The following ZNF33A variants were observed in gnomAD, a reference collection of about 807,000 sequenced individuals.
The protein encoded by ZNF33A is brain my041 protein.
In ZNF33A, 9 loss-of-function variants were observed where a neutral mutation model predicts 15.9. The ratio of observed to expected loss-of-function variants is 0.57; its 90% confidence interval spans 0.34 to 0.99. The LOEUF is 0.99. ZNF33A is among the 50% of genes least tolerant of loss of function. ZNF33A has a pLI of 0.02. For synonymous variants in ZNF33A, 294 were observed against 324.2 expected, an observed-to-expected ratio of 0.91 and a Z score of 1.00; for missense variants, 843 against 941.6, an observed-to-expected ratio of 0.90 and a Z score of 1.37.
chr10:38,066,275 A>ATTAT (rs545858786), downstream of ZNF33A, among the ~76,000 whole-genome samples: 720 of 151,566 alleles, frequency 4.8e-3, 5 homozygotes, highest in African/African-American at 0.014. Flanking sequence ...GGGTTTTTTT[A>ATTAT]TTATTTATTT....
In ZNF33A at chr10:38,056,167, T is replaced by C. The variant is rs767848337; in HGVS notation, c.2043T>C (p.Ile681=). The change falls in exon 5 of 5, where the codon ATT becomes ATC. Residue 681 remains isoleucine (I), a synonymous_variant. Coordinates refer to ENST00000432900, the MANE Select transcript of ZNF33A (RefSeq NM_006954.2). ...CTTTCTGTGTAAAATCAGGACTTAT[T>C]TTCCATGAGAGAAAGCACACGGGGG... ...GKSFCVKSGL[I]FHERKHTGEK... 1 of 1,614,082 alleles carries C rather than the reference T, an allele frequency of 6.2e-7. No individual in the cohort carries two copies. Among genetic ancestry groups the C allele is most frequent in the Non-Finnish European group, 8.5e-7 (1 of 1,179,996 alleles).
chr10:38,038,564 T>C (rs1386212159), intron 4 of ZNF33A, among the ~76,000 whole-genome samples: 3 of 152,252 alleles, frequency 2.0e-5, no homozygotes, highest in Non-Finnish European at 4.4e-5. Context: ...AGTTTCACTT[T>C]TGTTTTCAAT....
At chr10:38,028,260 CCTGT>C (rs1358444274) in intron 4 of ZNF33A, among the ~76,000 whole-genome samples, 2 of 151,706 alleles carry the variant, frequency 1.3e-5, no homozygotes, top group Non-Finnish European at 2.9e-5. Flanking sequence ...AGAGCAAGAT[CCTGT>C]CTAAAATAAA....
Position 38,035,490 on chromosome 10 carries a change from A to T in ZNF33A, c.250+18104A>T, listed in dbSNP as rs577042036. Among the ~76,000 whole-genome samples, 3 of 152,282 alleles carry T rather than the reference A, an allele frequency of 2.0e-5. No homozygotes were observed. In the East Asian group the frequency reaches 5.8e-4, roughly 29 times the overall value. On this transcript the variant is annotated intron_variant, in intron 4 of 4. Transcript: ENST00000432900. ...ACTGTCAGAATTGTTAATTATGCCT[A>T]TGTGGAAAATAATTTTATAATTTTA...
At chr10:38,038,394 G>A (rs2065547191) in intron 4 of ZNF33A, among the ~76,000 whole-genome samples, 1 of 152,136 alleles carries the variant, frequency 6.6e-6, no homozygotes, top group African/African-American at 2.4e-5. Context: ...GAGACATTAT[G>A]CCCGGCCAGA....
chr10:38,054,497 C>A lies in ZNF33A; in HGVS notation c.373C>A (p.Pro125Thr). The change falls in exon 5 of 5, where the codon CCA becomes ACA. Residue 125 changes from proline (P) to threonine (T), a missense_variant. Pro to Thr is a conservative substitution (Grantham distance 38). Transcript: ENST00000432900. ...GGAACAAGGTGATGTAATAGGAATA[C>A]CATTTAATGTGGATGTAAGTTCTTT... Reference protein sequence around the residue: ...TKEQGDVIGIPFNVDVSSFPS... With the variant: ...TKEQGDVIGITFNVDVSSFPS... The A allele has an allele frequency of 6.2e-7, 1 of 1,612,764 alleles. No individual in the cohort carries two copies.
chr10:38,023,455 G>T (rs2135579381), intron 4 of ZNF33A, among the ~76,000 whole-genome samples: 1 of 152,244 alleles, frequency 6.6e-6, no homozygotes, highest in African/African-American at 2.4e-5. Context: ...AGCAAGGCTG[G>T]TTCAACATTC....
chr10:38,023,095 G>T (rs1364853040), intron 4 of ZNF33A, among the ~76,000 whole-genome samples: 1 of 152,048 alleles, frequency 6.6e-6, no homozygotes, highest in East Asian at 1.9e-4. Context: ...GCAGGCACAT[G>T]CCACCACACT....
intron 2 of ZNF33A, among the ~76,000 whole-genome samples, chr10:38,014,776 T>C (rs1263084746): frequency 6.6e-6 from 1 of 152,248 alleles, no homozygotes; most frequent in Non-Finnish European, 1.5e-5. Flanking sequence ...AGATCCTGGC[T>C]CTTCCTAGTT....
intron 1 of ZNF33A, among the ~76,000 whole-genome samples, chr10:38,011,541 C>T (rs777701893): frequency 6.6e-6 from 1 of 152,100 alleles, no homozygotes; most frequent in Non-Finnish European, 1.5e-5. Flanking sequence ...CACTATTGCA[C>T]TCCAGACTGG....
At chr10:38,060,275 A>G (rs2066639575), downstream of ZNF33A, among the ~76,000 whole-genome samples, 1 of 152,178 alleles carries the variant, frequency 6.6e-6, no homozygotes, top group African/African-American at 2.4e-5. Context: ...CCTCATTTCC[A>G]TCCCCACTCT....
At chr10:38,017,255 G>T in intron 3 of ZNF33A, 36 bp from the exon 4 acceptor site, 2 of 1,596,306 alleles carry the variant, frequency 1.3e-6, no homozygotes, top group Admixed American at 1.7e-5. Context: ...AGTCTAGACT[G>T]CTTGGTCCAA....
downstream of ZNF33A, among the ~76,000 whole-genome samples, chr10:38,063,883 G>A (rs901445281): frequency 1.3e-5 from 2 of 152,150 alleles, no homozygotes; most frequent in African/African-American, 4.8e-5. Flanking sequence ...TGTGACGATT[G>A]CAGGGAGGAG....
intron 4 of ZNF33A, among the ~76,000 whole-genome samples, chr10:38,051,985 G>C (rs2066230060): frequency 6.6e-6 from 1 of 152,068 alleles, no homozygotes; most frequent in African/African-American, 2.4e-5. Context: ...TCTTTAATCT[G>C]ATAAAAGTCA....
At chr10:38,019,850 T>G (rs1235313703) in intron 4 of ZNF33A, among the ~76,000 whole-genome samples, 2 of 152,148 alleles carry the variant, frequency 1.3e-5, no homozygotes, top group Non-Finnish European at 2.9e-5. Flanking sequence ...TCTAGAATCA[T>G]TTTTGATGGT....
At chr10:38,030,245 C>A (rs1170036909) in intron 4 of ZNF33A, among the ~76,000 whole-genome samples, 1 of 152,140 alleles carries the variant, frequency 6.6e-6, no homozygotes, top group Non-Finnish European at 1.5e-5. Flanking sequence ...ACTAGTTGCA[C>A]TGTTAGACAT....
downstream of ZNF33A, among the ~76,000 whole-genome samples, chr10:38,065,359 C>A (rs1260984705): frequency 6.6e-6 from 1 of 152,146 alleles, no homozygotes; most frequent in Non-Finnish European, 1.5e-5. Flanking sequence ...CATGAGCCAC[C>A]GTGCTCGGCC....
intron 4 of ZNF33A, among the ~76,000 whole-genome samples, chr10:38,027,350 T>C (rs376976344): frequency 2.0e-5 from 3 of 152,140 alleles, no homozygotes; most frequent in East Asian, 3.9e-4. Context: ...CATTTATTCA[T>C]TTGCATTTGT....
At chr10:38,064,831 T>A (rs1301570726), downstream of ZNF33A, 1 of 151,994 alleles carries the variant, frequency 6.6e-6, no homozygotes, top group Non-Finnish European at 1.5e-5. Context: ...TAACACACAA[T>A]CCATGTGAAG....
Sources: allele counts gnomAD v4.1 joint callset (sites outside exome capture counted in the v4.1 genomes callset), GRCh38; gene constraint gnomAD v4.1.1; transcripts MANE v1.5; gene names NCBI Gene and HGNC (gene_info 2026-07-23, HGNC 2026-07-21).